NBPF14: variants seen among roughly 807,000 people sequenced by gnomAD.
NBPF14 encodes the protein NBPF member 14, also known as NBPF family member NBPF14.
NBPF14 carries 104 observed loss-of-function variants against 91.2 expected under a neutral mutation model. That is an observed-to-expected ratio of 1.14 (90% CI 0.97 to 1.34). The LOEUF (loss-of-function observed/expected upper bound fraction) is 1.34. Ranked by LOEUF, NBPF14 falls within the 40% of genes most tolerant of loss-of-function variation. NBPF14 has a pLI of 0.00. For synonymous variants in NBPF14, 294 were observed against 303.8 expected (o/e 0.97, Z 0.34); for missense variants, 908 against 783.0 (o/e 1.16, Z -1.91).
At chr1:148,577,460 G>C (rs1242588548) in intron 14 of NBPF14, 105 bp from the exon 15 acceptor site, 3 of 676,178 alleles carry the variant, frequency 4.4e-6, no homozygotes, top group African/African-American at 1.8e-5. Flanking sequence ...AAAAGAAAAA[G>C]GACAGATCCA....
Position 148,593,019 on chromosome 1 carries a change from G to A in NBPF14, c.279-253C>T, listed in dbSNP as rs1199842473. Among the ~76,000 whole-genome samples the A allele has an allele frequency of 7.6e-5, 11 of 145,376 alleles. 1 individual carries two copies. The highest frequency in any genetic ancestry group is 2.3e-4 in the South Asian group (1 of 4,376). On this transcript the variant is annotated intron_variant, in intron 3 of 70. Transcript: ENST00000619423. ...CTTTCTCTTCTGTAAACAAAAGTAGGTGTCTTCCTAATTCCGTTTCAAAAA... is the reference window on the plus strand; with the variant it reads ...CTTTCTCTTCTGTAAACAAAAGTAGATGTCTTCCTAATTCCGTTTCAAAAA...
At chr1:148,594,928 C>G (rs1663064308) in intron 2 of NBPF14, among the ~76,000 whole-genome samples, 1 of 113,362 alleles carries the variant, frequency 8.8e-6, no homozygotes. Flanking sequence ...AAACTGCTGA[C>G]CTCGTGCTCT....
Position 148,593,413 on chromosome 1 carries a change from A to T in NBPF14, c.278+185T>A, listed in dbSNP as rs1422008988. Among the ~76,000 whole-genome samples the T allele has an allele frequency of 2.0e-4, 30 of 148,450 alleles. 1 individual carries two copies. The East Asian group carries it at 5.6e-3, about 28-fold the overall frequency. ...AAAAGAGAAAACAAGGCTCTAAGAA[A>T]CAACTGCAACAGAGAACTTATTATT... On this transcript the variant is annotated intron_variant, in intron 3 of 70. Transcript: ENST00000619423.
chr1:148,584,928 T>A (rs1351289639), intron 10 of NBPF14, among the ~76,000 whole-genome samples: 2 of 146,070 alleles, frequency 1.4e-5, no homozygotes, highest in Non-Finnish European at 3.1e-5. Context: ...GGATGAAGAC[T>A]CAGCTATCCC....
chr1:148,577,397 C>G, intron 14 of NBPF14, 42 bp from the exon 15 acceptor site: 1 of 649,228 alleles, frequency 1.5e-6, no homozygotes, highest in Non-Finnish European at 2.8e-6. Context: ...CAGGGGGAAT[C>G]AGAAACCACA....
At chr1:148,572,783 A>G (rs1659322810) in intron 20 of NBPF14, among the ~76,000 whole-genome samples, 168 bp from the exon 21 acceptor site, 1 of 68,200 alleles carries the variant, frequency 1.5e-5, no homozygotes, top group East Asian at 3.2e-4. Flanking sequence ...AGGGCCAGAT[A>G]GAAAACAATG....
chr1:148,572,690 C>G, intron 20 of NBPF14, 75 bp from the exon 21 acceptor site: 3 of 682,808 alleles, frequency 4.4e-6, no homozygotes, highest in South Asian at 3.0e-5. Flanking sequence ...GATTTCATGG[C>G]TAACGTAAGG....
intron 2 of NBPF14, among the ~76,000 whole-genome samples, chr1:148,594,038 C>T (rs1662920185): frequency 1.3e-5 from 2 of 148,494 alleles, no homozygotes; most frequent in Admixed American, 1.3e-4. Context: ...CTCTAAAACA[C>T]TGCACTGGGG....
exon 71 of NBPF14, chr1:148,533,210 A>G (rs1653992280): frequency 1.5e-6 from 1 of 686,850 alleles, no homozygotes; most frequent in Non-Finnish European, 2.2e-6. Context: ...GTCCTGTAAG[A>G]CTTCACGCTC....
chr1:148,559,863 T>G (rs1270843873), exon 37 of NBPF14: 10 of 1,492,576 alleles, frequency 6.7e-6, no homozygotes, highest in Admixed American at 5.3e-5. Flanking sequence ...AGGGCTGGCA[T>G]GAGTCAGTCA....
intron 68 of NBPF14, 136 bp from the exon 69 acceptor site, chr1:148,534,992 T>C: frequency 1.4e-6 from 1 of 715,798 alleles, no homozygotes; most frequent in Non-Finnish European, 2.6e-6. Flanking sequence ...AACGAATTAT[T>C]GCCTTTATGT....
intron 23 of NBPF14, among the ~76,000 whole-genome samples, chr1:148,570,626 AG>A (rs1658985542): frequency 2.1e-5 from 1 of 48,390 alleles, no homozygotes; most frequent in Admixed American, 2.3e-4. Context: ...CAATGTCATG[AG>A]AATAGGATCA....
In NBPF14 at chr1:148,566,552, C is replaced by A. The variant is rs1268350377; in HGVS notation, c.3543-237G>T. ...ACACACACACACACAAACACACACA[C>A]ACACACAGAGAACGAGCTCAGTGAA... On this transcript the variant is annotated intron_variant, in intron 28 of 70. Transcript: ENST00000619423. Among the ~76,000 whole-genome samples the A allele has an allele frequency of 1.6e-4, 23 of 144,020 alleles. 1 individual carries two copies. The highest frequency in any genetic ancestry group is 5.5e-4 in the African/African-American group (22 of 40,036). 94.5% of individuals were successfully genotyped at this position (144,020 alleles called of 152,430 possible). A position where few individuals can be genotyped will look rare whatever the true frequency, so the allele number is the denominator to read the frequency against.
At chr1:148,561,897 A>C (rs1657867415) in intron 34 of NBPF14, among the ~76,000 whole-genome samples, 1 of 129,992 alleles carries the variant, frequency 7.7e-6, no homozygotes, top group African/African-American at 3.9e-5. Flanking sequence ...GAGTAACAGG[A>C]CACTCTGAGT....
intron 28 of NBPF14, 47 bp from the exon 29 acceptor site, chr1:148,566,362 A>T: frequency 1.3e-6 from 1 of 754,114 alleles, no homozygotes; most frequent in Non-Finnish European, 2.4e-6. Context: ...GAAATCAGAC[A>T]CAACAGAGCC....
intron 8 of NBPF14, 22 bp downstream of exon 8, chr1:148,587,279 T>G: frequency 1.9e-6 from 3 of 1,558,204 alleles, no homozygotes; most frequent in Non-Finnish European, 2.6e-6. Context: ...CCCCCCTGCC[T>G]GCCCCCATGG....
At position 148,595,399 on chromosome 1, in the gene NBPF14, A is replaced by G. The variant is rs1209020233; in HGVS notation, c.175+144T>C. ...TTTGGCACCTCTGTCTTCCAACTTT[A>G]ACAAAATGTTAAAATACCCATTTCT... On this transcript the variant is annotated intron_variant, in intron 2 of 70. Coordinates refer to ENST00000619423, the Ensembl canonical transcript of NBPF14. 5.1e-5 allele frequency: 53 copies of G among 1,035,020 alleles called. 8 individuals carry two copies. Among genetic ancestry groups the G allele is most frequent in the Non-Finnish European group, 6.8e-5 (48 of 701,310 alleles). 64.1% of individuals were successfully genotyped at this position (1,035,020 alleles called of 1,614,324 possible).
Position 148,575,904 on chromosome 1 carries a change from T to TA in NBPF14, c.2079-94dup, listed in dbSNP as rs1570982459. ...TTCATGGCTAACATAAGGAACTGTT[T>TA]AAAAAGAAAAAGGACAGATCCATTA... On this transcript the variant is annotated intron_variant, in intron 16 of 70. Coordinates refer to ENST00000619423, the Ensembl canonical transcript of NBPF14. 7.2e-5 allele frequency: 23 copies of TA among 319,410 alleles called. No individual in the cohort carries two copies. The East Asian group carries it at 1.7e-3, about 23-fold the overall frequency. The allele number at this position is 319,410 out of a possible 1,614,324, so 19.8% of individuals were successfully genotyped here. A position where few individuals can be genotyped will look rare whatever the true frequency, so the allele number is the denominator to read the frequency against.
intron 69 of NBPF14, among the ~76,000 whole-genome samples, chr1:148,534,294 T>A (rs1169688705): frequency 9.2e-5 from 14 of 151,838 alleles, no homozygotes; most frequent in Admixed American, 7.3e-4. Flanking sequence ...AAAACTGCAA[T>A]ATTTAGCCCT....
Sources: gnomAD v4.1 joint callset for allele counts (sites outside exome capture counted in the v4.1 genomes callset) on GRCh38, gnomAD v4.1.1 for gene constraint, MANE v1.5 for transcripts, NCBI Gene and HGNC (gene_info 2026-07-23, HGNC 2026-07-21) for gene names.